PDE1C: variants seen among roughly 807,000 people sequenced by gnomAD.
PDE1C encodes dual specificity calcium/calmodulin-dependent 3',5'-cyclic nucleotide phosphodiesterase 1C.
Under a neutral mutation model 93.1 loss-of-function variants are expected in PDE1C, and 62 were observed. That is an observed-to-expected ratio of 0.67 (90% CI 0.54 to 0.82). The LOEUF (loss-of-function observed/expected upper bound fraction) is 0.82. PDE1C is among the 40% of genes least tolerant of loss of function. The pLI, the probability that PDE1C is intolerant of heterozygous loss-of-function variation, is 0.00. For synonymous variants in PDE1C, 325 were observed against 310.1 expected (o/e 1.05, Z -0.50); for missense variants, 742 against 884.6 (o/e 0.84, Z 2.04).
intron 16 of PDE1C, among the ~76,000 whole-genome samples, chr7:31,803,227 T>C (rs1459851786): frequency 1.3e-5 from 2 of 151,778 alleles, no homozygotes; most frequent in East Asian, 3.9e-4. Context: ...TCATATCAGA[T>C]ATTGTAGTTT....
chr7:31,790,095 A>G, intron 16 of PDE1C: 1 of 1,497,042 alleles, frequency 6.7e-7, no homozygotes, highest in Non-Finnish European at 8.9e-7. Flanking sequence ...GGGAAGGCCA[A>G]GGGTCAGGGG....
chr7:32,020,394 G>A (rs112302251), intron 2 of PDE1C, among the ~76,000 whole-genome samples: 3,695 of 151,632 alleles, frequency 0.024, 73 homozygotes, highest in Non-Finnish European at 0.039. Context: ...CCTTTTTGGT[G>A]AGAAAAAAAA....
chr7:31,638,180 T>G, the PDE1C span, among the ~76,000 whole-genome samples: 89 of 152,330 alleles, frequency 5.8e-4, no homozygotes, highest in African/African-American at 2.0e-3. Flanking sequence ...ACAGTTGATA[T>G]AAGGAGGAAA....
intron 1 of PDE1C, among the ~76,000 whole-genome samples, chr7:32,311,234 C>A (rs1010067684): frequency 6.6e-6 from 1 of 152,212 alleles, no homozygotes; most frequent in African/African-American, 2.4e-5. Context: ...AGATGAATAA[C>A]AGGCTCTGAA....
At chr7:31,793,373 T>C (rs540561003) in intron 16 of PDE1C, among the ~76,000 whole-genome samples, 2 of 152,028 alleles carry the variant, frequency 1.3e-5, no homozygotes, top group Non-Finnish European at 2.9e-5. Context: ...TTCTCTTCCA[T>C]TTTTCTTGGA....
chr7:32,147,335 G>A (rs1448009816), intron 3 of PDE1C, among the ~76,000 whole-genome samples: 2 of 127,860 alleles, frequency 1.6e-5, no homozygotes, highest in Non-Finnish European at 3.4e-5. Flanking sequence ...AAAGAAAGAC[G>A]CTGTTTGTAG....
chr7:32,365,132 T>C (rs1348183936), intron 1 of PDE1C, among the ~76,000 whole-genome samples: 1 of 152,136 alleles, frequency 6.6e-6, no homozygotes, highest in Non-Finnish European at 1.5e-5. Context: ...CCAGTGACCC[T>C]GGACCTGCAA....
intron 2 of PDE1C, among the ~76,000 whole-genome samples, chr7:31,994,984 C>T (rs1784551005): frequency 6.6e-6 from 1 of 151,608 alleles, no homozygotes; most frequent in Non-Finnish European, 1.5e-5. Context: ...AACCATGGAA[C>T]AAAAAAAACC....
chr7:32,185,136 A>C (rs911594059), intron 2 of PDE1C, among the ~76,000 whole-genome samples: 1 of 146,396 alleles, frequency 6.8e-6, no homozygotes, highest in Non-Finnish European at 1.5e-5. Flanking sequence ...AAAAAAAAAA[A>C]CAACTTCTTA....
At chr7:32,238,934 T>A (rs765657154) in intron 1 of PDE1C, among the ~76,000 whole-genome samples, 1 of 152,126 alleles carries the variant, frequency 6.6e-6, no homozygotes, top group African/African-American at 2.4e-5. Context: ...AAGGAAAGGA[T>A]TGACAAGCAA....
intron 3 of PDE1C, among the ~76,000 whole-genome samples, chr7:32,096,118 G>A (rs1044287893): frequency 6.6e-6 from 1 of 152,240 alleles, no homozygotes; most frequent in East Asian, 1.9e-4. Context: ...CCAAAATAGG[G>A]TACAGCAGGC....
chr7:31,780,859 T>A (rs1441032344), intron 16 of PDE1C, among the ~76,000 whole-genome samples: 2 of 151,820 alleles, frequency 1.3e-5, no homozygotes, highest in Non-Finnish European at 2.9e-5. Context: ...GTAGGTAATC[T>A]GTCATCTTTG....
At chr7:32,017,046 T>C (rs1000839502) in intron 2 of PDE1C, among the ~76,000 whole-genome samples, 4 of 152,140 alleles carry the variant, frequency 2.6e-5, no homozygotes, top group Non-Finnish European at 5.9e-5. Context: ...ATGAGGATAA[T>C]AGCAGTACTT....
At chr7:32,350,531 T>C (rs1342763562) in intron 1 of PDE1C, among the ~76,000 whole-genome samples, 1 of 150,806 alleles carries the variant, frequency 6.6e-6, no homozygotes, top group African/African-American at 2.5e-5. Context: ...CTAAGGTCTA[T>C]GCATGGCATT....
chr7:31,622,685 A>G, the PDE1C span, among the ~76,000 whole-genome samples: 2 of 152,284 alleles, frequency 1.3e-5, no homozygotes, highest in Admixed American at 1.3e-4. Flanking sequence ...CCCTAACATC[A>G]CAATTAAAAG....
rs3842163 is a variant in PDE1C, at chr7:31,831,476, GCA to G, written c.1204-3105_1204-3104del. On this transcript the variant is annotated intron_variant, in intron 11 of 17. Transcript: ENST00000396191. ...GCCCTACAAAAGTAAGGAAGTAAAG[GCA>G]CACACACACACACATGCACGCACAC... Among the ~76,000 whole-genome samples, 34 of 141,076 alleles carry G rather than the reference GCA, an allele frequency of 2.4e-4. 1 individual carries two copies. In the South Asian group the frequency reaches 4.7e-3, roughly 20 times the overall value. 92.6% of individuals were successfully genotyped at this position (141,076 alleles called of 152,430 possible).
chr7:31,620,230 C>A, the PDE1C span, among the ~76,000 whole-genome samples: 1 of 152,276 alleles, frequency 6.6e-6, no homozygotes, highest in East Asian at 1.9e-4. Context: ...TTAAATGTCC[C>A]TGTCTGACAG....
the PDE1C span, among the ~76,000 whole-genome samples, chr7:31,690,169 A>G: frequency 6.6e-6 from 1 of 152,242 alleles, no homozygotes; most frequent in Admixed American, 6.5e-5. Flanking sequence ...TAAGCATCTG[A>G]AAGAAAAGTT....
chr7:32,315,716 G>A (rs1486980110), intron 1 of PDE1C, among the ~76,000 whole-genome samples: 1 of 152,098 alleles, frequency 6.6e-6, no homozygotes, highest in Non-Finnish European at 1.5e-5. Context: ...AAATATTTTG[G>A]CCGGCGTGGT....
Sources: gnomAD v4.1 joint callset for allele counts (sites outside exome capture counted in the v4.1 genomes callset) on GRCh38, gnomAD v4.1.1 for gene constraint, MANE v1.5 for transcripts, NCBI Gene and HGNC (gene_info 2026-07-23, HGNC 2026-07-21) for gene names.